The following TNFRSF11A variants were observed in gnomAD, a reference collection of about 807,000 sequenced individuals.
TNFRSF11A encodes the protein tumor necrosis factor receptor superfamily member 11A.
A neutral mutation model predicts 55.7 loss-of-function variants in TNFRSF11A; 32 were observed. The observed-to-expected ratio is 0.57, with a 90% CI of 0.43 to 0.77. TNFRSF11A has a LOEUF of 0.77. TNFRSF11A is among the 30% of genes least tolerant of loss of function. The pLI is 0.00. For synonymous variants in TNFRSF11A, 311 were observed against 331.0 expected (o/e 0.94, Z 0.65); for missense variants, 753 against 809.8 (o/e 0.93, Z 0.85).
intron 6 of TNFRSF11A, 69 bp downstream of exon 6, chr18:62,360,118 C>A: frequency 7.7e-7 from 1 of 1,290,548 alleles, no homozygotes. Context: ...AGATCCCTCC[C>A]AGATGGCACG....
At chr18:62,327,636 T>A (rs1448395843) in intron 1 of TNFRSF11A, among the ~76,000 whole-genome samples, 2 of 152,220 alleles carry the variant, frequency 1.3e-5, no homozygotes, top group Admixed American at 6.5e-5. Flanking sequence ...TCATTGAAGA[T>A]GTTAATGATC....
At chr18:62,328,702 T>G (rs1044460754) in intron 1 of TNFRSF11A, among the ~76,000 whole-genome samples, 19 of 152,172 alleles carry the variant, frequency 1.2e-4, no homozygotes, top group Admixed American at 1.2e-3. Context: ...CCCCATCCCA[T>G]CCGAGAGGGG....
intron 9 of TNFRSF11A, among the ~76,000 whole-genome samples, chr18:62,371,518 G>C (rs2145363772): frequency 6.6e-6 from 1 of 152,308 alleles, no homozygotes; most frequent in Non-Finnish European, 1.5e-5. Flanking sequence ...GGAATAAAAA[G>C]TGTGTCATCA....
At chr18:62,328,896 C>T (rs1227568161) in intron 1 of TNFRSF11A, among the ~76,000 whole-genome samples, 1 of 152,198 alleles carries the variant, frequency 6.6e-6, no homozygotes, top group Non-Finnish European at 1.5e-5. Context: ...AAATAGCTTG[C>T]TTTTTCAGTT....
chr18:62,326,943 T>C (rs1235374071), intron 1 of TNFRSF11A, among the ~76,000 whole-genome samples: 2 of 152,162 alleles, frequency 1.3e-5, no homozygotes, highest in Admixed American at 1.3e-4. Context: ...GGCACAGGAC[T>C]CCTACAAAAT....
At chr18:62,376,076 C>T (rs1171715067) in intron 9 of TNFRSF11A, among the ~76,000 whole-genome samples, 1 of 152,154 alleles carries the variant, frequency 6.6e-6, no homozygotes, top group Non-Finnish European at 1.5e-5. Flanking sequence ...TCATTGGCTA[C>T]TCTGGCTGAG....
chr18:62,349,561 A>C (rs372859885), intron 2 of TNFRSF11A, among the ~76,000 whole-genome samples: 12 of 152,152 alleles, frequency 7.9e-5, no homozygotes, highest in African/African-American at 2.2e-4. Flanking sequence ...GACTGCTGTG[A>C]CCACAGGCTC....
At chr18:62,351,002 C>CTTTTTTTTTTTTT (rs71160826) in intron 3 of TNFRSF11A, among the ~76,000 whole-genome samples, 9 of 122,678 alleles carry the variant, frequency 7.3e-5, no homozygotes, top group Non-Finnish European at 1.0e-4. Context: ...TTTTTTCTTT[C>CTTTTTTTTTTTTT]TTTTTTTTTT....
chr18:62,366,590 A>G (rs1159133529), intron 7 of TNFRSF11A, 118 bp from the exon 8 acceptor site: 2 of 1,081,586 alleles, frequency 1.8e-6, no homozygotes, highest in South Asian at 2.5e-5. Context: ...CCATTTTACT[A>G]TCTATATTTG....
chr18:62,372,015 T>C (rs1243556621), intron 9 of TNFRSF11A, among the ~76,000 whole-genome samples: 2 of 152,194 alleles, frequency 1.3e-5, no homozygotes, highest in Non-Finnish European at 2.9e-5. Context: ...TGACAGTGAC[T>C]GGGGACTTTT....
At chr18:62,341,843 T>TC (rs2046315537) in intron 1 of TNFRSF11A, among the ~76,000 whole-genome samples, 1 of 150,040 alleles carries the variant, frequency 6.7e-6, no homozygotes, top group East Asian at 1.9e-4. Context: ...TGGCTTTTTT[T>TC]TTTTTTTTTT....
In TNFRSF11A at chr18:62,389,155, C is replaced by T. The variant is rs1202902366; in HGVS notation, c.*4121C>T. On this transcript the variant is annotated 3_prime_UTR_variant, in exon 10 of 10. Transcript: ENST00000586569. Reference sequence around the variant, plus strand: ...GCTTTTAGTGGCAGGGCCCTGAGCACCTGGGAAAGGAGATGAGGAGCGCTG... The same window carrying T: ...GCTTTTAGTGGCAGGGCCCTGAGCATCTGGGAAAGGAGATGAGGAGCGCTG... The T allele has an allele frequency of 6.6e-6, 1 of 152,244 alleles. No homozygotes were observed. The highest frequency in any genetic ancestry group is 1.9e-4 in the East Asian group (1 of 5,198). 9.4% of individuals were successfully genotyped at this position (152,244 alleles called of 1,614,324 possible). A position where few individuals can be genotyped will look rare whatever the true frequency, so the allele number is the denominator to read the frequency against.
intron 9 of TNFRSF11A, among the ~76,000 whole-genome samples, chr18:62,372,076 T>G (rs12959396): frequency 0.4 from 61,344 of 152,014 alleles, 13,140 homozygotes; most frequent in Non-Finnish European, 0.47. Flanking sequence ...GGAGAATGAT[T>G]ATTTTTCAGA....
rs1911836719 is a variant in TNFRSF11A, at chr18:62,387,793, T to C, written c.*2759T>C. 1 of 151,626 alleles carries C rather than the reference T, an allele frequency of 6.6e-6. No individual in the cohort carries two copies. Among genetic ancestry groups the C allele is most frequent in the Admixed American group, 6.6e-5 (1 of 15,214 alleles). The allele number at this position is 151,626 out of a possible 1,614,324, so 9.4% of individuals were successfully genotyped here. ...GGTGGGGAAAATGGGATTATTTCAG[T>C]GTAACAAACCACCCAAAGACTTAGT... is the stretch of plus-strand genomic sequence containing the variant. On this transcript the variant is annotated 3_prime_UTR_variant, in exon 10 of 10. Transcript: ENST00000586569.
chr18:62,325,390 C>A lies in TNFRSF11A; in HGVS notation c.38C>A (p.Ala13Glu). ...PRARRRRPLF[A>E]LLLLCALLAR... is the part of the protein sequence containing the mutation. ...GCCCGGCGGCGCCGCCCGCTGTTCG[C>A]GCTGCTGCTGCTCTGCGCGCTGCTC... Residue 13 changes from alanine (A) to glutamate (E), a missense_variant, in exon 1 of 10, where the codon GCG (alanine) becomes GAG (glutamate). By Grantham distance (107) the Ala-to-Glu change is moderately radical. This residue lies in a region of TNFRSF11A where 156 missense variants were observed against 155.1 expected (regional missense o/e 1.01). Coordinates refer to ENST00000586569, the MANE Select transcript of TNFRSF11A (RefSeq NM_003839.4). This position sits in a 1 kb window ranked among gnomAD's most constrained non-coding sequence, Gnocchi z 4.7. 1 of 1,129,380 alleles carries A rather than the reference C, an allele frequency of 8.9e-7. No homozygotes were observed. The highest frequency in any genetic ancestry group is 3.3e-5 in the South Asian group (1 of 30,518). 70.0% of individuals were successfully genotyped at this position (1,129,380 alleles called of 1,614,324 possible).
intron 8 of TNFRSF11A, among the ~76,000 whole-genome samples, chr18:62,368,346 T>C (rs1027758473): frequency 6.6e-6 from 1 of 152,244 alleles, no homozygotes; most frequent in African/African-American, 2.4e-5. Flanking sequence ...CAGAGCTGCT[T>C]ACTCGAGTTC....
chr18:62,331,215 T>C (rs2145237299), intron 1 of TNFRSF11A, among the ~76,000 whole-genome samples: 1 of 123,978 alleles, frequency 8.1e-6, no homozygotes, highest in African/African-American at 3.2e-5. Context: ...AGTAAATAAA[T>C]AAATAAATAG....
At chr18:62,342,989 G>A (rs1441686307) in intron 1 of TNFRSF11A, among the ~76,000 whole-genome samples, 1 of 152,214 alleles carries the variant, frequency 6.6e-6, no homozygotes, top group Non-Finnish European at 1.5e-5. Context: ...TGGGTACACA[G>A]GTTGCTAGTA....
rs752044497 is a variant in TNFRSF11A at position 62,368,942 on chromosome 18, A to T, written c.1025A>T (p.Gln342Leu). Reference protein sequence around the residue: ...KTEIEEDSFRQMPTEDEYMDR... With the variant: ...KTEIEEDSFRLMPTEDEYMDR... ...GAGATAGAGGAAGACAGCTTCAGAC[A>T]GATGCCCACAGAAGATGAATACATG... is the stretch of plus-strand genomic sequence containing the variant. The change falls in exon 9 of 10, where the codon CAG becomes CTG. Residue 342 changes from glutamine (Q) to leucine (L), a missense_variant. Physicochemically the swap from Gln to Leu is moderately radical, Grantham distance 113 (BLOSUM62 -2). Transcript: ENST00000586569. 3.7e-6 allele frequency: 6 copies of T among 1,614,254 alleles called. No individual in the cohort carries two copies. The Admixed American group carries it at 1.0e-4, about 27-fold the overall frequency.
Sources: allele counts gnomAD v4.1 joint callset (sites outside exome capture counted in the v4.1 genomes callset), GRCh38; gene constraint gnomAD v4.1.1; regional missense constraint gnomAD v4.1.1; non-coding constraint Gnocchi (gnomAD v3.1); transcripts MANE v1.5; gene names NCBI Gene and HGNC (gene_info 2026-07-23, HGNC 2026-07-21).